Variants in CARS2 observed in about 807,000 individuals in gnomAD.
CARS2 encodes the protein probable cysteine--tRNA ligase, mitochondrial.
CARS2 carries 52 observed loss-of-function variants against 68.8 expected under a neutral mutation model. The ratio of observed to expected loss-of-function variants is 0.76; its 90% confidence interval spans 0.61 to 0.95. The LOEUF is 0.95. CARS2 is among the 40% of genes least tolerant of loss of function. The pLI, the probability that CARS2 is intolerant of heterozygous loss-of-function variation, is 0.00. For synonymous variants in CARS2, 314 were observed against 303.6 expected (o/e 1.03, Z -0.36); for missense variants, 780 against 754.2 (o/e 1.03, Z -0.40).
intron 9 of CARS2, among the ~76,000 whole-genome samples, chr13:110,652,051 C>G (rs1036577813): frequency 3.3e-5 from 5 of 152,266 alleles, no homozygotes; most frequent in African/African-American, 4.8e-5. Context: ...CCAAAGCCCC[C>G]TTTCCTGCCA....
In CARS2 at chr13:110,676,375, T is replaced by A. The variant is rs751634739; in HGVS notation, c.785+599A>T. ...GGCAGAAACCAGGACAGAGAGGGTG[T>A]TTCCAGAGTAGGGGATGCCGCAGTG... On this transcript the variant is annotated intron_variant, in intron 7 of 14. Transcript: ENST00000257347. This position sits in a 1 kb window ranked among gnomAD's most constrained non-coding sequence, Gnocchi z 4.0. Among the ~76,000 whole-genome samples, 2 of 152,046 alleles carry A rather than the reference T, an allele frequency of 1.3e-5. No homozygotes were observed. The highest frequency in any genetic ancestry group is 2.4e-5 in the African/African-American group (1 of 41,408).
intron 10 of CARS2, among the ~76,000 whole-genome samples, chr13:110,649,930 A>AT (rs1403344207): frequency 5.9e-5 from 5 of 84,778 alleles, no homozygotes; most frequent in Admixed American, 1.6e-4. Flanking sequence ...CTGGATAACG[A>AT]CTTTTTTTTT....
At chr13:110,698,728 G>A (rs1350107869) in intron 3 of CARS2, among the ~76,000 whole-genome samples, 1 of 152,054 alleles carries the variant, frequency 6.6e-6, no homozygotes, top group Non-Finnish European at 1.5e-5. Flanking sequence ...TTCCGGCCAG[G>A]TGCAGTGGCT....
At chr13:110,692,037 T>TATAC (rs1431912095) in intron 3 of CARS2, among the ~76,000 whole-genome samples, 1 of 45,216 alleles carries the variant, frequency 2.2e-5, no homozygotes, top group South Asian at 6.6e-4. Context: ...CACACACACA[T>TATAC]ATATATATAT....
At chr13:110,698,113 T>A (rs559614433) in intron 3 of CARS2, 2 of 382,470 alleles carry the variant, frequency 5.2e-6, no homozygotes, top group East Asian at 1.4e-4. Context: ...AAAAGGAAGA[T>A]GCATGGGTGT....
At chr13:110,672,829 A>T (rs528321816) in intron 7 of CARS2, among the ~76,000 whole-genome samples, 26 of 152,372 alleles carry the variant, frequency 1.7e-4, no homozygotes, top group Non-Finnish European at 3.7e-4. Flanking sequence ...CAAGACTAAT[A>T]AAGAAGACAA....
intron 9 of CARS2, 66 bp from the exon 10 acceptor site, chr13:110,651,166 T>C (rs2062201735): frequency 9.1e-7 from 1 of 1,096,548 alleles, no homozygotes; most frequent in Non-Finnish European, 1.4e-6. Flanking sequence ...TCAGAGAATA[T>C]GTTACTTTCT....
intron 2 of CARS2, among the ~76,000 whole-genome samples, chr13:110,703,194 C>T (rs1267354686): frequency 6.6e-6 from 1 of 152,256 alleles, no homozygotes; most frequent in Non-Finnish European, 1.5e-5. Context: ...TTCCAGTGAA[C>T]TGAGTGCTAC....
intron 3 of CARS2, among the ~76,000 whole-genome samples, chr13:110,694,012 T>C (rs990729938): frequency 1.3e-5 from 2 of 151,920 alleles, no homozygotes; most frequent in Admixed American, 1.3e-4. Context: ...ATATAATAAT[T>C]TTTCGGTTTT....
In CARS2 at chr13:110,676,432, G is replaced by A. The variant is rs1301988384; in HGVS notation, c.785+542C>T. ...GAGAGCAGTGTCGTGTGACTGAGTGGGGGCGGCAGGCAGCTGCGGTCCCAG... is the reference window on the plus strand; with the variant it reads ...GAGAGCAGTGTCGTGTGACTGAGTGAGGGCGGCAGGCAGCTGCGGTCCCAG... On this transcript the variant is annotated intron_variant, in intron 7 of 14. Coordinates refer to ENST00000257347, the MANE Select transcript of CARS2 (RefSeq NM_024537.4). This position sits in a 1 kb window ranked among gnomAD's most constrained non-coding sequence, Gnocchi z 4.0. Among the ~76,000 whole-genome samples the A allele has an allele frequency of 6.6e-6, 1 of 152,184 alleles. No individual in the cohort carries two copies. The highest frequency in any genetic ancestry group is 1.5e-5 in the Non-Finnish European group (1 of 68,032).
intron 12 of CARS2, 138 bp downstream of exon 12, chr13:110,645,829 T>G: frequency 8.7e-7 from 1 of 1,152,064 alleles, no homozygotes. Context: ...AGACTCGGGC[T>G]CCATGAGTTC....
At chr13:110,671,660 C>T (rs190125244) in intron 7 of CARS2, among the ~76,000 whole-genome samples, 46 of 152,192 alleles carry the variant, frequency 3.0e-4, no homozygotes, top group Admixed American at 3.9e-4. Flanking sequence ...CATCAACTAA[C>T]GAGCAAAATA....
At chr13:110,693,552 G>C (rs2063536799) in intron 3 of CARS2, among the ~76,000 whole-genome samples, 1 of 152,024 alleles carries the variant, frequency 6.6e-6, no homozygotes, top group African/African-American at 2.4e-5. Flanking sequence ...GTAGACACGG[G>C]GTTTTACCGT....
intron 5 of CARS2, among the ~76,000 whole-genome samples, chr13:110,684,903 A>G (rs1323341954): frequency 2.6e-5 from 4 of 152,198 alleles, no homozygotes; most frequent in East Asian, 1.9e-4. Flanking sequence ...GAATTGTAAC[A>G]AAGTCCAAAT....
At chr13:110,647,767 C>CCAAAGTGGA (rs367802988) in intron 10 of CARS2, among the ~76,000 whole-genome samples, 1 of 152,194 alleles carries the variant, frequency 6.6e-6, no homozygotes, top group Non-Finnish European at 1.5e-5. Context: ...GATGAGGGGC[C>CCAAAGTGGA]AGTGTTTCTG....
intron 10 of CARS2, 39 bp from the exon 11 acceptor site, chr13:110,647,278 A>G (rs758760979): frequency 6.3e-7 from 1 of 1,597,724 alleles, no homozygotes; most frequent in Non-Finnish European, 8.6e-7. Context: ...GGTGCCCACC[A>G]TGCTGTGCCC....
intron 6 of CARS2, among the ~76,000 whole-genome samples, chr13:110,681,304 C>A (rs1393970755): frequency 6.6e-6 from 1 of 152,158 alleles, no homozygotes; most frequent in Non-Finnish European, 1.5e-5. Context: ...AAATAACATA[C>A]ACTAAGGCAT....
chr13:110,660,276 C>G (rs2062469032), intron 9 of CARS2, among the ~76,000 whole-genome samples: 1 of 152,174 alleles, frequency 6.6e-6, no homozygotes, highest in South Asian at 2.1e-4. Flanking sequence ...GTCCTGAACC[C>G]CTCAAAGTCA....
Position 110,687,775 on chromosome 13 carries a change from T to TAGATAAG in CARS2, c.516_517insCTTATCT (p.Ile173LeufsTer7), listed in dbSNP as rs750847494. On this transcript the variant is annotated frameshift_variant, in exon 5 of 15. Transcript: ENST00000257347. LOFTEE classifies it high-confidence loss of function. ...GCAATGATTCCTTCAATGAAAGAAA[T>TAGATAAG]TATCTGAGGAATATTTTCGGTTACC... 4 of 1,613,138 alleles carry TAGATAAG rather than the reference T, an allele frequency of 2.5e-6. No individual in the cohort carries two copies. Among genetic ancestry groups the TAGATAAG allele is most frequent in the Non-Finnish European group, 3.4e-6 (4 of 1,179,562 alleles).
Sources: gnomAD v4.1 joint callset for allele counts (sites outside exome capture counted in the v4.1 genomes callset) on GRCh38, gnomAD v4.1.1 for gene constraint, Gnocchi (gnomAD v3.1) non-coding constraint, MANE v1.5 for transcripts, NCBI Gene and HGNC (gene_info 2026-07-23, HGNC 2026-07-21) for gene names.